Variants in CTSH observed in about 807,000 individuals in gnomAD.
CTSH encodes the protein pro-cathepsin H.
In CTSH, 52 loss-of-function variants were observed where a neutral mutation model predicts 56.3. The ratio of observed to expected loss-of-function variants is 0.92; its 90% CI spans 0.74 to 1.16. The LOEUF (loss-of-function observed/expected upper bound fraction) is 1.16, where lower values mean the gene tolerates loss of function less well. CTSH is among the 50% of genes most tolerant of loss of function. The pLI, the probability that CTSH is intolerant of heterozygous loss-of-function variation, is 0.00. For synonymous variants in CTSH, 174 were observed against 155.7 expected (o/e 1.12, Z -0.88); for missense variants, 406 against 424.5 (o/e 0.96, Z 0.38).
chr15:78,930,569 T>G (rs78219755), intron 7 of CTSH, among the ~76,000 whole-genome samples: 1 of 135,232 alleles, frequency 7.4e-6, no homozygotes, highest in Non-Finnish European at 1.6e-5. Flanking sequence ...AATAAATAAA[T>G]AAAAAATAAA....
chr15:78,925,683 C>G (rs577968720), intron 9 of CTSH: 1 of 430,562 alleles, frequency 2.3e-6, no homozygotes, highest in South Asian at 2.2e-5. Context: ...CCACGGGGTA[C>G]AGCGTGGACC....
chr15:78,927,781 C>G lies in CTSH; in HGVS notation c.631G>C (p.Asp211His), dbSNP rs771986059. ...GEDTYPYQGK[D>H]GYCKFQPGKA... ...CCAGGTTGGAACTTGCAATAACCAT[C>G]CTGTTGAGGATGCAAAGGGCATGAA... The change falls in exon 9 of 12, where the codon GAT becomes CAT. Residue 211 changes from aspartate to histidine, a missense_variant and splice_region_variant. By Grantham distance (81) the Asp-to-His change is moderately conservative. Transcript: ENST00000220166. The G allele has an allele frequency of 8.1e-6, 13 of 1,614,128 alleles. No individual in the cohort carries two copies. Among genetic ancestry groups the G allele is most frequent in the Non-Finnish European group, 1.1e-5 (13 of 1,179,958 alleles).
At chr15:78,923,212 A>G in intron 10 of CTSH, 94 bp from the exon 11 acceptor site, 1 of 1,425,144 alleles carries the variant, frequency 7.0e-7, no homozygotes, top group South Asian at 1.2e-5. Flanking sequence ...GCTTTAGAGC[A>G]ATGTTCCCCA....
intron 8 of CTSH, 24 bp downstream of exon 8, chr15:78,929,388 C>CA (rs749437204): frequency 3.8e-6 from 6 of 1,588,188 alleles, no homozygotes; most frequent in African/African-American, 1.3e-5. Flanking sequence ...GCCAAGAAGA[C>CA]AGAGTGGAGG....
intron 9 of CTSH, 111 bp downstream of exon 9, chr15:78,927,602 G>C: frequency 2.2e-6 from 2 of 908,892 alleles, no homozygotes; most frequent in East Asian, 2.4e-5. Flanking sequence ...CTCGTCAAAG[G>C]GATGTGCTGC....
chr15:78,943,880 T>C (rs927989132), intron 1 of CTSH, among the ~76,000 whole-genome samples: 5 of 152,244 alleles, frequency 3.3e-5, no homozygotes, highest in African/African-American at 1.2e-4. Flanking sequence ...AGCTAGGTTT[T>C]CCTTAGGCGG....
intron 6 of CTSH, chr15:78,931,806 G>C: frequency 7.5e-7 from 1 of 1,341,032 alleles, no homozygotes; most frequent in Non-Finnish European, 9.6e-7. Context: ...GATGCAGAGT[G>C]TGGGGTCCCA....
chr15:78,924,101 G>T (rs866314847), intron 10 of CTSH, among the ~76,000 whole-genome samples: 129 of 136,384 alleles, frequency 9.5e-4, no homozygotes, highest in African/African-American at 3.5e-3. Context: ...CCCAGCGGGG[G>T]GGGGGGGGAG....
intron 6 of CTSH, 197 bp from the exon 7 acceptor site, chr15:78,931,703 C>T (rs1046618649): frequency 2.9e-5 from 42 of 1,452,082 alleles, no homozygotes; most frequent in Non-Finnish European, 3.7e-5. Context: ...TGGCACATGT[C>T]GGGAGGGGCT....
intron 10 of CTSH, among the ~76,000 whole-genome samples, chr15:78,923,604 GTTC>G (rs1227417907): frequency 1.3e-5 from 2 of 152,038 alleles, no homozygotes; most frequent in Admixed American, 6.6e-5. Flanking sequence ...AGTTCTTTTG[GTTC>G]TTCTGCTTCT....
At chr15:78,931,811 G>A (rs2055067456) in intron 6 of CTSH, 4 of 1,330,174 alleles carry the variant, frequency 3.0e-6, no homozygotes, top group Non-Finnish European at 2.9e-6. Flanking sequence ...AGAGTGTGGG[G>A]TCCCACAGCG....
rs1022927499 is a variant in CTSH at position 78,937,087 on chromosome 15, CAG to C, written c.229+229_229+230del. On this transcript the variant is annotated intron_variant, in intron 3 of 11. Coordinates refer to ENST00000220166, the MANE Select transcript of CTSH (RefSeq NM_004390.5). ...GGCAGGAATGGGGCAGGGGCTTCTA[CAG>C]AGTCTCTTGTAAACTTCACAACCAC... is the stretch of plus-strand genomic sequence containing the variant. 15 of 526,596 alleles carry C rather than the reference CAG, an allele frequency of 2.8e-5. No homozygotes were observed. The Admixed American group carries it at 4.3e-4, about 15-fold the overall frequency. The allele number at this position is 526,596 out of a possible 1,614,324, so 32.6% of individuals were successfully genotyped here.
intron 10 of CTSH, 33 bp from the exon 11 acceptor site, chr15:78,923,151 A>G: frequency 2.5e-6 from 4 of 1,611,506 alleles, no homozygotes; most frequent in Non-Finnish European, 2.5e-6. Flanking sequence ...AGGTGATCAT[A>G]TGGGAAGGAT....
intron 4 of CTSH, 64 bp from the exon 5 acceptor site, chr15:78,935,146 A>G: frequency 9.1e-7 from 1 of 1,101,524 alleles, no homozygotes; most frequent in Non-Finnish European, 1.4e-6. Context: ...TCTGACAACA[A>G]GAAGAAGAAA....
chr15:78,931,866 C>T, intron 6 of CTSH: 1 of 1,246,682 alleles, frequency 8.0e-7, no homozygotes, highest in South Asian at 1.7e-5. Context: ...ACCCTACCCC[C>T]ACCTGTCCAC....
chr15:78,932,312 C>G, intron 6 of CTSH, 60 bp downstream of exon 6: 1 of 1,485,480 alleles, frequency 6.7e-7, no homozygotes, highest in South Asian at 1.1e-5. Flanking sequence ...AAGGCCCAGG[C>G]CTGGCCCACA....
chr15:78,944,869 G>C (rs1190398160), intron 1 of CTSH, 22 bp downstream of exon 1: 3 of 1,543,884 alleles, frequency 1.9e-6, no homozygotes, highest in Non-Finnish European at 1.7e-6. Context: ...GCACCCTCTC[G>C]GGCGGCGCGC....
chr15:78,925,222 G>A, intron 10 of CTSH, 112 bp downstream of exon 10: 1 of 672,492 alleles, frequency 1.5e-6, no homozygotes, highest in East Asian at 2.8e-5. Flanking sequence ...TGTCATGAAG[G>A]GTCTGACACA....
Position 78,923,008 on chromosome 15 carries a change from TG to T in CTSH, c.916del (p.Gln306SerfsTer4). On this transcript the variant is annotated frameshift_variant, in exon 11 of 12. Transcript: ENST00000220166. LOFTEE classifies it high-confidence loss of function. The part of the protein sequence containing the change: ...YWIVKNSWGP[Q>X]WGMNGYFLIE... ...AGCTGCTTACCCGTTCATTCCCCACTGGGGACCCCAAGAGTTTTTCACGATC... is the reference window on the plus strand; with the variant it reads ...AGCTGCTTACCCGTTCATTCCCCACTGGGACCCCAAGAGTTTTTCACGATC... 6.2e-7 allele frequency: 1 copy of T among 1,612,114 alleles called. No homozygotes were observed. The highest frequency in any genetic ancestry group is 1.1e-5 in the South Asian group (1 of 90,692).
Sources: allele counts gnomAD v4.1 joint callset (sites outside exome capture counted in the v4.1 genomes callset), GRCh38; gene constraint gnomAD v4.1.1; transcripts MANE v1.5; gene names NCBI Gene and HGNC (gene_info 2026-07-23, HGNC 2026-07-21).